ZNF100: variants seen among roughly 807,000 people sequenced by gnomAD.
ZNF100 encodes the protein zinc finger protein 100 (Y1).
Under a neutral mutation model 15.8 loss-of-function variants are expected in ZNF100, and 12 were observed. The ratio of observed to expected loss-of-function variants is 0.76; its 90% CI spans 0.49 to 1.23. ZNF100 has a LOEUF of 1.23. Ranked by LOEUF, ZNF100 falls within the 50% of genes most tolerant of loss-of-function variation. ZNF100 has a pLI of 0.00. For synonymous variants in ZNF100, 226 were observed against 214.8 expected (o/e 1.05, Z -0.45); for missense variants, 670 against 635.6 (o/e 1.05, Z -0.58).
Position 21,724,637 on chromosome 19 carries a change from ACCT to A in ZNF100, c.*2043_*2045del, listed in dbSNP as rs2035742246. The A allele has an allele frequency of 1.3e-5, 2 of 151,326 alleles. No individual in the cohort carries two copies. The highest frequency in any genetic ancestry group is 4.9e-5 in the African/African-American group (2 of 40,964). 9.4% of individuals were successfully genotyped at this position (151,326 alleles called of 1,614,324 possible). ...AGGATAAATACTAGAGGTGATGGATACCTCATTTACCCTGATGTGATTATTATA... is the reference window on the plus strand; with the variant it reads ...AGGATAAATACTAGAGGTGATGGATACATTTACCCTGATGTGATTATTATA... On this transcript the variant is annotated 3_prime_UTR_variant, in exon 5 of 5. Transcript: ENST00000358296.
chr19:21,734,683 C>A (rs1461830646), intron 4 of ZNF100, among the ~76,000 whole-genome samples: 1 of 152,100 alleles, frequency 6.6e-6, no homozygotes, highest in African/African-American at 2.4e-5. Flanking sequence ...GACAGGCCAT[C>A]ATTCAAATTC....
At position 21,727,147 on chromosome 19, in the gene ZNF100, T is replaced by A; in HGVS notation, c.1165A>T (p.Thr389Ser). Residue 389 changes from threonine to serine, a missense_variant, in exon 5 of 5, where the codon ACT (threonine) becomes TCT (serine). Physicochemically the swap from Thr to Ser is moderately conservative, Grantham distance 58. Coordinates refer to ENST00000358296, the MANE Select transcript of ZNF100 (RefSeq NM_173531.4). ...GKAFYRFSYL[T>S]KHKTSHTGEK... ...CCAGTATGACTTGTCTTATGTTTAG[T>A]AAGGTATGAGAATCGGTAAAAAGCT... The A allele has an allele frequency of 6.2e-7, 1 of 1,611,974 alleles. No individual in the cohort carries two copies. The highest frequency in any genetic ancestry group is 1.3e-5 in the African/African-American group (1 of 74,932).
In ZNF100 at chr19:21,745,116, G is replaced by A. The variant is rs773421780; in HGVS notation, c.97-49C>T. 15 of 1,555,162 alleles carry A rather than the reference G, an allele frequency of 9.6e-6. No homozygotes were observed. In the Admixed American group the frequency reaches 3.0e-4, roughly 31 times the overall value. On this transcript the variant is annotated intron_variant, in intron 2 of 4. Coordinates refer to ENST00000358296, the MANE Select transcript of ZNF100 (RefSeq NM_173531.4). ...ACACATATATTTACCAAGTGGCCAT[G>A]GGCAGAATTTATTATTTGAATTAAA...
intron 4 of ZNF100, among the ~76,000 whole-genome samples, chr19:21,742,299 A>AC (rs1568299897): frequency 9.0e-6 from 1 of 111,572 alleles, no homozygotes; most frequent in Non-Finnish European, 1.8e-5. Context: ...TCTGTCCCCC[A>AC]CCCAAAAAAA....
chr19:21,738,248 C>CAAAA (rs769582572), intron 4 of ZNF100, among the ~76,000 whole-genome samples: 1 of 42,994 alleles, frequency 2.3e-5, no homozygotes, highest in East Asian at 1.0e-3. Flanking sequence ...GACACTATGT[C>CAAAA]AAAAAAAAAA....
Position 21,767,500 on chromosome 19 carries a change from C to G in ZNF100, c.-71G>C. On this transcript the variant is annotated 5_prime_UTR_variant, in exon 1 of 5. Transcript: ENST00000358296. ...AATATCTGCAGGTCAGAGGGCCACA[C>G]AGGCTAGGCCCCTAGGAGCAGAAGA... The G allele has an allele frequency of 6.2e-7, 1 of 1,605,764 alleles. No individual in the cohort carries two copies. The highest frequency in any genetic ancestry group is 1.7e-5 in the Admixed American group (1 of 59,226).
At chr19:21,730,445 A>AGTGTGT (rs58942514) in intron 4 of ZNF100, among the ~76,000 whole-genome samples, 55,485 of 147,482 alleles carry the variant, frequency 0.38, 11,355 homozygotes, top group Admixed American at 0.5. Context: ...TGATAACCTA[A>AGTGTGT]GTGTGTGTGT....
At chr19:21,757,648 G>A (rs893949618) in intron 2 of ZNF100, among the ~76,000 whole-genome samples, 2 of 152,164 alleles carry the variant, frequency 1.3e-5, no homozygotes, top group East Asian at 1.9e-4. Context: ...CTACCATAAA[G>A]TCACATGCAC....
At chr19:21,741,650 C>T (rs4319878) in intron 4 of ZNF100, among the ~76,000 whole-genome samples, 78,344 of 151,624 alleles carry the variant, frequency 0.52, 20,947 homozygotes, top group East Asian at 0.65. Context: ...GCTAGGATTA[C>T]AGGCATGAGC....
chr19:21,727,091 G>A lies in ZNF100; in HGVS notation c.1221C>T (p.Gly407=), dbSNP rs1379521030. 6 of 1,613,256 alleles carry A rather than the reference G, an allele frequency of 3.7e-6. No homozygotes were observed. In the Admixed American group the frequency reaches 6.7e-5, roughly 18 times the overall value. Reference sequence around the variant, plus strand: ...GGGCTGAGGACCAGTTAAAGCCTTTGCCGCATTCTTCACATTTGTAGAATT... The same window carrying A: ...GGGCTGAGGACCAGTTAAAGCCTTTACCGCATTCTTCACATTTGTAGAATT... ...GEKFYKCEEC[G]KGFNWSSALT... The change falls in exon 5 of 5, where the codon GGC becomes GGT. Residue 407 remains glycine (G), a synonymous_variant. Transcript: ENST00000358296.
At chr19:21,764,496 G>A (rs1264368475) in intron 2 of ZNF100, among the ~76,000 whole-genome samples, 2 of 151,946 alleles carry the variant, frequency 1.3e-5, no homozygotes, top group Non-Finnish European at 2.9e-5. Flanking sequence ...ACAAAAATTA[G>A]CCGGGCATAG....
At chr19:21,733,326 A>T (rs59135948) in intron 4 of ZNF100, among the ~76,000 whole-genome samples, 12,433 of 152,184 alleles carry the variant, frequency 0.082, 637 homozygotes, top group South Asian at 0.18. Flanking sequence ...TGGAAAATAT[A>T]ACAACAGAGG....
chr19:21,756,018 T>TGCA (rs1194337315), intron 2 of ZNF100, among the ~76,000 whole-genome samples: 1 of 152,154 alleles, frequency 6.6e-6, no homozygotes, highest in Non-Finnish European at 1.5e-5. Context: ...GTAACAAACC[T>TGCA]GCATGTTCTG....
intron 2 of ZNF100, among the ~76,000 whole-genome samples, chr19:21,759,999 A>G (rs1208760498): frequency 6.6e-6 from 1 of 152,064 alleles, no homozygotes; most frequent in Non-Finnish European, 1.5e-5. Context: ...CCTGACCAAC[A>G]TGGAGAAACC....
chr19:21,728,127 A>C, intron 4 of ZNF100, 138 bp from the exon 5 acceptor site: 1 of 855,902 alleles, frequency 1.2e-6, no homozygotes. Context: ...TAGACATATA[A>C]ATGTAAAAAA....
Position 21,723,537 on chromosome 19 carries a change from G to C in ZNF100, c.*3146C>G, listed in dbSNP as rs370393102. 2.0e-5 allele frequency: 3 copies of C among 152,142 alleles called. No homozygotes were observed. Among genetic ancestry groups the C allele is most frequent in the Non-Finnish European group, 4.4e-5 (3 of 68,036 alleles). The allele number at this position is 152,142 out of a possible 1,614,324, so 9.4% of individuals were successfully genotyped here. A position where few individuals can be genotyped will look rare whatever the true frequency, so the allele number is the denominator to read the frequency against. ...ACACATAATAAATACAGAGAAATCT[G>C]AAGATAATTAAGAAATAAAAGATGC... On this transcript the variant is annotated 3_prime_UTR_variant, in exon 5 of 5. Transcript: ENST00000358296.
At chr19:21,760,369 C>A (rs181970539) in intron 2 of ZNF100, among the ~76,000 whole-genome samples, 1 of 151,958 alleles carries the variant, frequency 6.6e-6, no homozygotes, top group Admixed American at 6.6e-5. Context: ...ATGGCAGGTG[C>A]CTGTAATCCT....
chr19:21,738,278 A>C (rs1241744424), intron 4 of ZNF100, among the ~76,000 whole-genome samples: 1 of 112,072 alleles, frequency 8.9e-6, no homozygotes, highest in South Asian at 2.7e-4. Flanking sequence ...AAAAAAAAAA[A>C]AAAAAAAAAA....
intron 4 of ZNF100, among the ~76,000 whole-genome samples, chr19:21,741,083 AAAG>A (rs2036098322): frequency 6.6e-6 from 1 of 152,220 alleles, no homozygotes; most frequent in South Asian, 2.1e-4. Flanking sequence ...ATACAGACTT[AAAG>A]AAGAAAATCT....
Sources: allele counts gnomAD v4.1 joint callset (sites outside exome capture counted in the v4.1 genomes callset), GRCh38; gene constraint gnomAD v4.1.1; transcripts MANE v1.5; gene names NCBI Gene and HGNC (gene_info 2026-07-23, HGNC 2026-07-21).